The following PPFIA2 variants were observed in gnomAD, a reference collection of about 807,000 sequenced individuals.
PPFIA2 encodes PPFI scaffold protein A2.
Under a neutral mutation model 175.5 loss-of-function variants are expected in PPFIA2, and 46 were observed. The ratio of observed to expected loss-of-function variants is 0.26; its 90% CI spans 0.21 to 0.34. The LOEUF (loss-of-function observed/expected upper bound fraction) is 0.34. PPFIA2 is among the 10% of genes least tolerant of loss of function. PPFIA2 has a pLI of 1.00. For synonymous variants in PPFIA2, 568 were observed against 511.4 expected, an observed-to-expected ratio of 1.11 and a Z score of -1.49; for missense variants, 1,179 against 1,506.1, an observed-to-expected ratio of 0.78 and a Z score of 3.60.
chr12:81,559,108 C>A (rs1227402909), intron 4 of PPFIA2, among the ~76,000 whole-genome samples: 2 of 152,090 alleles, frequency 1.3e-5, no homozygotes, highest in Admixed American at 1.3e-4. Context: ...AATTTTAAAA[C>A]ACACAGAGAA....
rs146850109 is a variant in PPFIA2 at position 81,305,686 on chromosome 12, G to T, written c.2643-6304C>A. Among the ~76,000 whole-genome samples the T allele has an allele frequency of 1.7e-3, 258 of 152,170 alleles. 4 individuals carry two copies. The highest frequency in any genetic ancestry group is 6.0e-3 in the African/African-American group (248 of 41,492). The stretch of plus-strand genomic sequence containing the variant: ...GCAAGACTCTGGTAGGCCGTTCACC[G>T]TATGTACACAGCCTTATTTCCGCTA... On this transcript the variant is annotated intron_variant, in intron 22 of 32. Transcript: ENST00000549396.
intron 22 of PPFIA2, among the ~76,000 whole-genome samples, chr12:81,325,321 C>T (rs1566152722): frequency 1.3e-5 from 2 of 152,044 alleles, no homozygotes; most frequent in Admixed American, 1.3e-4. Context: ...AATTTCCTGA[C>T]AGATGCAAAA....
At chr12:81,569,539 T>C (rs1455752795) in intron 4 of PPFIA2, among the ~76,000 whole-genome samples, 1 of 152,178 alleles carries the variant, frequency 6.6e-6, no homozygotes, top group African/African-American at 2.4e-5. Flanking sequence ...CAGGTATACT[T>C]GCAGATTTTT....
chr12:81,352,069 C>A (rs1231961616), intron 17 of PPFIA2, among the ~76,000 whole-genome samples: 1 of 152,044 alleles, frequency 6.6e-6, no homozygotes. Context: ...CTGCTTTCTG[C>A]ATTTGCTTTG....
intron 4 of PPFIA2, among the ~76,000 whole-genome samples, chr12:81,595,954 A>T (rs1291681818): frequency 6.6e-6 from 1 of 152,188 alleles, no homozygotes; most frequent in Non-Finnish European, 1.5e-5. Context: ...TCCTTGATGC[A>T]GAATCATTTT....
chr12:81,748,489 A>G (rs562663925), intron 3 of PPFIA2, among the ~76,000 whole-genome samples: 3 of 144,702 alleles, frequency 2.1e-5, no homozygotes, highest in African/African-American at 7.3e-5. Context: ...CTCTTCCATG[A>G]TCATGAGAAC....
chr12:81,463,449 TGCATGGCAAATACTTTCTTTTTCC>T (rs1436795136), intron 4 of PPFIA2, among the ~76,000 whole-genome samples: 1 of 152,132 alleles, frequency 6.6e-6, no homozygotes, highest in Non-Finnish European at 1.5e-5. Context: ...CACCAACCTA[TGCATGGCAAATACTTTCTTTTTCC>T]AAAGAGCAAA....
At chr12:81,573,430 T>A (rs2072938271) in intron 4 of PPFIA2, among the ~76,000 whole-genome samples, 1 of 151,908 alleles carries the variant, frequency 6.6e-6, no homozygotes, top group African/African-American at 2.4e-5. Context: ...GCTAACCATC[T>A]ATGTTGAAAA....
At chr12:81,701,883 A>G (rs553059238) in intron 3 of PPFIA2, among the ~76,000 whole-genome samples, 3 of 151,158 alleles carry the variant, frequency 2.0e-5, no homozygotes, top group African/African-American at 7.3e-5. Context: ...AAATCAACCC[A>G]TAAGAGTAAA....
chr12:81,468,229 A>T (rs1050474224), intron 4 of PPFIA2, among the ~76,000 whole-genome samples: 3 of 152,146 alleles, frequency 2.0e-5, no homozygotes, highest in African/African-American at 7.2e-5. Context: ...CTTAATTCTG[A>T]CTCATCTTTA....
intron 4 of PPFIA2, among the ~76,000 whole-genome samples, chr12:81,468,801 T>C (rs1169493359): frequency 6.6e-6 from 1 of 152,084 alleles, no homozygotes; most frequent in Non-Finnish European, 1.5e-5. Context: ...AATTTAACTG[T>C]GTACAACATT....
At chr12:81,738,351 G>T (rs1444769770) in intron 3 of PPFIA2, among the ~76,000 whole-genome samples, 1 of 151,792 alleles carries the variant, frequency 6.6e-6, no homozygotes, top group Non-Finnish European at 1.5e-5. Context: ...TACAGTAAAA[G>T]AAATATTCAA....
At chr12:81,314,245 T>C (rs2051746220) in intron 22 of PPFIA2, among the ~76,000 whole-genome samples, 1 of 151,922 alleles carries the variant, frequency 6.6e-6, no homozygotes, top group Non-Finnish European at 1.5e-5. Flanking sequence ...GTAATATATA[T>C]TTGCAGAGAA....
At chr12:81,623,322 T>C (rs940045464) in intron 4 of PPFIA2, among the ~76,000 whole-genome samples, 5 of 151,964 alleles carry the variant, frequency 3.3e-5, no homozygotes, top group African/African-American at 1.2e-4. Flanking sequence ...TAAAAATGTA[T>C]AAAATCAATT....
At chr12:81,273,313 A>G (rs1426676169) in intron 28 of PPFIA2, among the ~76,000 whole-genome samples, 4 of 152,148 alleles carry the variant, frequency 2.6e-5, no homozygotes, top group African/African-American at 7.2e-5. Context: ...CTAAATTCCA[A>G]TCCCCACCAC....
intron 4 of PPFIA2, among the ~76,000 whole-genome samples, chr12:81,644,326 T>C (rs2065766627): frequency 6.6e-6 from 1 of 152,030 alleles, no homozygotes; most frequent in Admixed American, 6.6e-5. Context: ...TCGCTGGTTA[T>C]ATGTAAGTTG....
chr12:81,525,962 G>A (rs930461349), intron 4 of PPFIA2, among the ~76,000 whole-genome samples: 12 of 151,940 alleles, frequency 7.9e-5, no homozygotes, highest in Admixed American at 7.9e-4. Context: ...AAGTAATCTA[G>A]TCATTGGTTA....
At chr12:81,312,424 T>C in intron 22 of PPFIA2, 1 of 456,730 alleles carries the variant, frequency 2.2e-6, no homozygotes, top group East Asian at 3.2e-5. Flanking sequence ...TGAGCCACTC[T>C]GAAACATGCA....
At position 81,373,770 on chromosome 12, in the gene PPFIA2, C is replaced by A. The variant is rs535357423; in HGVS notation, c.1266+864G>T. Among the ~76,000 whole-genome samples the A allele has an allele frequency of 2.0e-5, 3 of 152,104 alleles. No individual in the cohort carries two copies. The East Asian group carries it at 5.8e-4, about 29-fold the overall frequency. On this transcript the variant is annotated intron_variant, in intron 11 of 32. Transcript: ENST00000549396. Reference sequence around the variant, plus strand: ...GCTGCATCAATTATTTTGGGTAAATCCTAATCCCGTAATTTTAAACTTGAA... The same window carrying A: ...GCTGCATCAATTATTTTGGGTAAATACTAATCCCGTAATTTTAAACTTGAA...
Sources: gnomAD v4.1 joint callset for allele counts (sites outside exome capture counted in the v4.1 genomes callset) on GRCh38, gnomAD v4.1.1 for gene constraint, MANE v1.5 for transcripts, NCBI Gene and HGNC (gene_info 2026-07-23, HGNC 2026-07-21) for gene names.